Variants in MOB1B observed in about 807,000 individuals in gnomAD.
The protein encoded by MOB1B is MOB kinase activator 1B, also known as MOB1 Mps One Binder homolog B.
MOB1B carries 19 observed loss-of-function variants against 24.4 expected under a neutral mutation model. The observed-to-expected ratio is 0.78, with a 90% CI of 0.54 to 1.14. MOB1B has a LOEUF of 1.14. Ranked by LOEUF, MOB1B falls within the 50% of genes most tolerant of loss-of-function variation. MOB1B has a pLI of 0.00. For missense variants in MOB1B, 243 were observed against 259.6 expected (o/e 0.94, Z 0.44); for synonymous variants, 76 against 82.1 (o/e 0.93, Z 0.40).
chr4:70,945,870 T>A (rs972464888), intron 1 of MOB1B, among the ~76,000 whole-genome samples: 1 of 151,974 alleles, frequency 6.6e-6, no homozygotes, highest in African/African-American at 2.4e-5. Context: ...ATTTGGTGAA[T>A]AAAGAAAGTG....
rs1330387160 is a variant in MOB1B at position 70,983,273 on chromosome 4, G to A, written c.*1216G>A. On this transcript the variant is annotated 3_prime_UTR_variant, in exon 6 of 6. Transcript: ENST00000309395. Reference sequence around the variant, plus strand: ...TTAAGATGATACCATACCTTCTTTGGTTATTATAGGTCCAGTTTGAAGCAT... The same window carrying A: ...TTAAGATGATACCATACCTTCTTTGATTATTATAGGTCCAGTTTGAAGCAT... 6.6e-6 allele frequency: 1 copy of A among 152,370 alleles called. No individual in the cohort carries two copies. The highest frequency in any genetic ancestry group is 1.5e-5 in the Non-Finnish European group (1 of 67,918). 9.4% of individuals were successfully genotyped at this position (152,370 alleles called of 1,614,324 possible). A position where few individuals can be genotyped will look rare whatever the true frequency, so the allele number is the denominator to read the frequency against.
chr4:70,949,918 A>C (rs1480087088), intron 1 of MOB1B, among the ~76,000 whole-genome samples: 2 of 152,108 alleles, frequency 1.3e-5, no homozygotes, highest in Non-Finnish European at 2.9e-5. Context: ...TCAAAAAAAT[A>C]CATAAATAAA....
chr4:70,975,815 C>T (rs1044186711), intron 4 of MOB1B: 50 of 920,990 alleles, frequency 5.4e-5, no homozygotes, highest in Non-Finnish European at 6.4e-5. Context: ...ATCTTATGCA[C>T]TTACAGGTGT....
intron 1 of MOB1B, among the ~76,000 whole-genome samples, chr4:70,919,129 A>C (rs1172495778): frequency 1.1e-4 from 17 of 149,388 alleles, no homozygotes; most frequent in African/African-American, 3.9e-4. Context: ...GGACACAGGA[A>C]GGGGAACATC....
At chr4:70,913,995 AC>A (rs1051144484) in intron 1 of MOB1B, among the ~76,000 whole-genome samples, 136 of 152,110 alleles carry the variant, frequency 8.9e-4, no homozygotes, top group African/African-American at 3.2e-3. Context: ...GAAAGTGATC[AC>A]CAAGGTGATG....
intron 1 of MOB1B, among the ~76,000 whole-genome samples, chr4:70,952,654 AAAAAACAAAAC>A (rs1737857845): frequency 3.3e-5 from 5 of 150,986 alleles, no homozygotes; most frequent in Non-Finnish European, 7.4e-5. Flanking sequence ...AAAAAAAAAA[AAAAAACAAAAC>A]AAAAACAAAA....
At chr4:70,918,874 C>T (rs1357970594) in intron 1 of MOB1B, among the ~76,000 whole-genome samples, 16 of 152,110 alleles carry the variant, frequency 1.1e-4, no homozygotes, top group East Asian at 7.7e-4. Flanking sequence ...ATGTTTATTG[C>T]GGCACTATTC....
intron 1 of MOB1B, among the ~76,000 whole-genome samples, chr4:70,945,501 T>C (rs1369546455): frequency 6.6e-6 from 1 of 152,256 alleles, no homozygotes; most frequent in Non-Finnish European, 1.5e-5. Flanking sequence ...GCATACTCTG[T>C]ACTATGCTAC....
At chr4:70,933,867 T>A (rs907238998) in intron 1 of MOB1B, among the ~76,000 whole-genome samples, 2 of 151,686 alleles carry the variant, frequency 1.3e-5, no homozygotes, top group African/African-American at 4.8e-5. Flanking sequence ...GAATCCTTAT[T>A]GTGGAGGAAA....
chr4:70,976,463 C>T, intron 4 of MOB1B: 1 of 985,218 alleles, frequency 1.0e-6, no homozygotes, highest in African/African-American at 1.7e-5. Context: ...GGCTGAGTGA[C>T]TTTGCTTTTT....
intron 1 of MOB1B, among the ~76,000 whole-genome samples, chr4:70,906,024 A>G (rs995553899): frequency 2.6e-5 from 4 of 151,852 alleles, no homozygotes; most frequent in African/African-American, 4.8e-5. Flanking sequence ...CTGTGGTGAG[A>G]TGTAATCATG....
rs906117448 is a variant in MOB1B at position 70,943,907 on chromosome 4, G to GA, written c.15-14961dup. The stretch of plus-strand genomic sequence containing the variant: ...AAAACATTTCCCTTTTTGAGAAAAT[G>GA]AAAAAATATATAAATACAAAATTTG... On this transcript the variant is annotated intron_variant, in intron 1 of 5. Coordinates refer to ENST00000309395, the MANE Select transcript of MOB1B (RefSeq NM_173468.4). Among the ~76,000 whole-genome samples the GA allele has an allele frequency of 4.6e-5, 7 of 151,634 alleles. No individual in the cohort carries two copies. The South Asian group carries it at 6.2e-4, about 14-fold the overall frequency.
In MOB1B at chr4:70,979,119, C is replaced by CT; in HGVS notation, c.410-5dup. ...TGTTACTAGAGGGAGTTGTTTATCT[C>CT]TTTTCTAGGTGTCCCGTTCCCAAAG... On this transcript the variant is annotated splice_polypyrimidine_tract_variant and intron_variant, in intron 4 of 5. Coordinates refer to ENST00000309395, the MANE Select transcript of MOB1B (RefSeq NM_173468.4). 2 of 1,611,046 alleles carry CT rather than the reference C, an allele frequency of 1.2e-6. No individual in the cohort carries two copies. The highest frequency in any genetic ancestry group is 1.7e-6 in the Non-Finnish European group (2 of 1,178,146).
chr4:70,971,398 A>C (rs1219151493), intron 3 of MOB1B, among the ~76,000 whole-genome samples: 1 of 151,784 alleles, frequency 6.6e-6, no homozygotes, highest in Non-Finnish European at 1.5e-5. Context: ...CCAGCCACTC[A>C]GGCAGGAGAA....
intron 1 of MOB1B, among the ~76,000 whole-genome samples, chr4:70,951,609 C>T (rs1282796700): frequency 2.0e-5 from 3 of 152,188 alleles, no homozygotes; most frequent in Non-Finnish European, 4.4e-5. Context: ...AGTCAGCATT[C>T]CATAGTGGCT....
intron 1 of MOB1B, among the ~76,000 whole-genome samples, chr4:70,921,955 A>G (rs1343449518): frequency 6.6e-6 from 1 of 152,114 alleles, no homozygotes; most frequent in African/African-American, 2.4e-5. Flanking sequence ...TTTCTCCCCT[A>G]CTTAATGACT....
intron 5 of MOB1B, among the ~76,000 whole-genome samples, chr4:70,980,889 A>G (rs1030697232): frequency 6.6e-6 from 1 of 152,122 alleles, no homozygotes; most frequent in African/African-American, 2.4e-5. Flanking sequence ...CCACACTCGT[A>G]TGTGAGACCT....
intron 1 of MOB1B, among the ~76,000 whole-genome samples, chr4:70,904,808 A>C (rs1157110546): frequency 6.6e-6 from 1 of 151,424 alleles, no homozygotes; most frequent in African/African-American, 2.4e-5. Context: ...TATTTGGCTG[A>C]AACTAGGGGA....
At chr4:70,950,793 C>T in intron 1 of MOB1B, 3 of 1,526,908 alleles carry the variant, frequency 2.0e-6, no homozygotes, top group Non-Finnish European at 2.6e-6. Flanking sequence ...ATGGAAGGAG[C>T]TACTGATGTG....
Sources: gnomAD v4.1 joint callset for allele counts (sites outside exome capture counted in the v4.1 genomes callset) on GRCh38, gnomAD v4.1.1 for gene constraint, MANE v1.5 for transcripts, NCBI Gene and HGNC (gene_info 2026-07-23, HGNC 2026-07-21) for gene names.